OPRM1: variants seen among roughly 807,000 people sequenced by gnomAD.
The protein encoded by OPRM1 is opioid receptor mu 1.
In OPRM1, 27 loss-of-function variants were observed where a neutral mutation model predicts 31.8. The observed-to-expected ratio is 0.85, with a 90% CI of 0.63 to 1.17. OPRM1 has a LOEUF of 1.17. OPRM1 is among the 50% of genes most tolerant of loss of function. OPRM1 has a pLI of 0.00. For synonymous variants in OPRM1, 196 were observed against 189.9 expected (o/e 1.03, Z -0.26); for missense variants, 536 against 511.1 (o/e 1.05, Z -0.47).
intron 3 of OPRM1, among the ~76,000 whole-genome samples, chr6:154,149,168 A>C (rs562442366): frequency 2.0e-5 from 3 of 152,300 alleles, no homozygotes; most frequent in Admixed American, 6.5e-5. Flanking sequence ...ATTGACTCAC[A>C]GTTCCACGTG....
At chr6:154,081,009 T>C (rs1033746509) in intron 1 of OPRM1, among the ~76,000 whole-genome samples, 3 of 152,220 alleles carry the variant, frequency 2.0e-5, no homozygotes, top group Admixed American at 1.3e-4. Flanking sequence ...GATTATTGCG[T>C]TGTTCTCATT....
At chr6:154,049,663 G>A (rs931477959) in intron 1 of OPRM1, among the ~76,000 whole-genome samples, 3 of 152,162 alleles carry the variant, frequency 2.0e-5, no homozygotes, top group Non-Finnish European at 4.4e-5. Flanking sequence ...AAATATGGTA[G>A]CAAATTCATG....
intron 3 of OPRM1, among the ~76,000 whole-genome samples, chr6:154,190,752 C>T (rs544962786): frequency 6.6e-6 from 1 of 152,314 alleles, no homozygotes; most frequent in East Asian, 1.9e-4. Context: ...AACTTGGAAG[C>T]TACAAAGATG....
intron 3 of OPRM1, chr6:154,093,360 T>C (rs144028163): frequency 9.3e-6 from 15 of 1,614,174 alleles, no homozygotes; most frequent in Non-Finnish European, 8.5e-6. Context: ...TCTTGTCAGA[T>C]ATGACCTCCC....
In OPRM1 at chr6:154,089,824, A is replaced by G. The variant is rs770266522; in HGVS notation, c.291-2A>G. On this transcript the variant is annotated splice_acceptor_variant, in intron 1 of 3. Coordinates refer to ENST00000330432, the MANE Select transcript of OPRM1 (RefSeq NM_000914.5). LOFTEE classifies it high-confidence loss of function. ...TCTCACTCTTCTTCCTTTATCTCCT[A>G]GATACACCAAGATGAAGACTGCCAC... 4 of 1,604,590 alleles carry G rather than the reference A, an allele frequency of 2.5e-6. No individual in the cohort carries two copies. In the South Asian group the frequency reaches 3.3e-5, roughly 13 times the overall value.
chr6:154,239,206 G>C (rs564062517), intron 3 of OPRM1, among the ~76,000 whole-genome samples: 1 of 152,050 alleles, frequency 6.6e-6, no homozygotes, highest in African/African-American at 2.4e-5. Context: ...AATAATATTG[G>C]CAACATGAGC....
intron 3 of OPRM1, among the ~76,000 whole-genome samples, chr6:154,151,195 C>T (rs1384612540): frequency 6.6e-6 from 1 of 152,210 alleles, no homozygotes; most frequent in Non-Finnish European, 1.5e-5. Flanking sequence ...CCAGTACTAA[C>T]CGCCTTAGGC....
chr6:154,050,789 A>G (rs374247271), intron 1 of OPRM1, among the ~76,000 whole-genome samples: 1 of 152,168 alleles, frequency 6.6e-6, no homozygotes, highest in Non-Finnish European at 1.5e-5. Context: ...CAAAGGATAA[A>G]TGCTTGAGGG....
intron 3 of OPRM1, among the ~76,000 whole-genome samples, chr6:154,106,009 C>A (rs1000055462): frequency 6.6e-6 from 1 of 152,034 alleles, no homozygotes; most frequent in African/African-American, 2.4e-5. Flanking sequence ...GTGATTTATT[C>A]CAATGTTTAA....
At chr6:154,197,778 T>C (rs1310735943) in intron 3 of OPRM1, among the ~76,000 whole-genome samples, 1 of 152,178 alleles carries the variant, frequency 6.6e-6, no homozygotes, top group Non-Finnish European at 1.5e-5. Context: ...AGAATGCAAA[T>C]GGGATTTTAT....
At position 154,120,590 on chromosome 6, in the gene OPRM1, T is replaced by C. The variant is rs1181694120; in HGVS notation, c.*1869T>C. Among the ~76,000 whole-genome samples the C allele has an allele frequency of 1.3e-5, 2 of 152,168 alleles. No individual in the cohort carries two copies. Among genetic ancestry groups the C allele is most frequent in the Admixed American group, 6.5e-5 (1 of 15,274 alleles). The stretch of plus-strand genomic sequence containing the variant: ...ACTAGGGTGTATATATTTACATATA[T>C]ACACTACTAGAGCTTCCAAAAGTAA... On this transcript the variant is annotated 3_prime_UTR_variant, in exon 4 of 4. Coordinates refer to ENST00000330432, the MANE Select transcript of OPRM1 (RefSeq NM_000914.5).
At chr6:154,189,018 C>T (rs1382466274) in intron 3 of OPRM1, among the ~76,000 whole-genome samples, 1 of 152,086 alleles carries the variant, frequency 6.6e-6, no homozygotes, top group Non-Finnish European at 1.5e-5. Flanking sequence ...AAAGATACTA[C>T]TTTACAAGAA....
chr6:154,122,662 A>G lies in OPRM1; in HGVS notation c.*3941A>G, dbSNP rs1435091370. Among the ~76,000 whole-genome samples, 1 of 152,240 alleles carries G rather than the reference A, an allele frequency of 6.6e-6. No individual in the cohort carries two copies. The highest frequency in any genetic ancestry group is 1.5e-5 in the Non-Finnish European group (1 of 68,028). ...AATTGTGTACATTACAAACTGCTCC[A>G]GAAACAAAACCAAATGTGGATAGCT... On this transcript the variant is annotated 3_prime_UTR_variant, in exon 4 of 4. Coordinates refer to ENST00000330432, the MANE Select transcript of OPRM1 (RefSeq NM_000914.5).
At chr6:154,205,301 T>C (rs1346086405) in intron 3 of OPRM1, among the ~76,000 whole-genome samples, 17 of 152,172 alleles carry the variant, frequency 1.1e-4, no homozygotes, top group Non-Finnish European at 2.4e-4. Context: ...AAAACAGCTT[T>C]ATTAAAACAT....
intron 1 of OPRM1, among the ~76,000 whole-genome samples, chr6:154,024,651 T>G (rs1160049119): frequency 6.6e-6 from 1 of 151,652 alleles, no homozygotes; most frequent in East Asian, 1.9e-4. Context: ...ATTTGAAGTT[T>G]TTTTTTTTTA....
chr6:154,229,044 C>A (rs1027861072), intron 3 of OPRM1, among the ~76,000 whole-genome samples: 1 of 152,210 alleles, frequency 6.6e-6, no homozygotes, highest in Non-Finnish European at 1.5e-5. Flanking sequence ...AACTTTTTCC[C>A]TATTCCCTTA....
intron 1 of OPRM1, among the ~76,000 whole-genome samples, chr6:154,016,461 G>A (rs1338764390): frequency 2.0e-5 from 3 of 151,972 alleles, no homozygotes; most frequent in African/African-American, 4.8e-5. Flanking sequence ...ATCTGTTTAC[G>A]GTAACAATTT....
chr6:154,238,557 C>T (rs1226825799), intron 3 of OPRM1, among the ~76,000 whole-genome samples: 1 of 152,166 alleles, frequency 6.6e-6, no homozygotes, highest in Non-Finnish European at 1.5e-5. Context: ...TGAGCCACTA[C>T]ACCCGGCCAA....
intron 1 of OPRM1, among the ~76,000 whole-genome samples, chr6:154,045,240 A>G (rs898943517): frequency 6.6e-6 from 1 of 152,074 alleles, no homozygotes. Flanking sequence ...AAAAAAATAA[A>G]TTAAAAAAAA....
Sources: allele counts gnomAD v4.1 joint callset (sites outside exome capture counted in the v4.1 genomes callset), GRCh38; gene constraint gnomAD v4.1.1; transcripts MANE v1.5; gene names NCBI Gene and HGNC (gene_info 2026-07-23, HGNC 2026-07-21).